The following COPG2 variants were observed in gnomAD, a reference collection of about 807,000 sequenced individuals.
The protein encoded by COPG2 is coatomer subunit gamma-2.
COPG2 carries 37 observed loss-of-function variants against 46.3 expected under a neutral mutation model. The ratio of observed to expected loss-of-function variants is 0.80; its 90% CI spans 0.61 to 1.05. COPG2 has a LOEUF of 1.05. COPG2 is among the 50% of genes least tolerant of loss of function. The pLI is 0.00. For synonymous variants in COPG2, 159 were observed against 129.7 expected, an observed-to-expected ratio of 1.23 and a Z score of -1.53; for missense variants, 427 against 387.8, an observed-to-expected ratio of 1.10 and a Z score of -0.85.
At chr7:130,653,957 C>T (rs1398044679) in intron 4 of COPG2, among the ~76,000 whole-genome samples, 1 of 151,270 alleles carries the variant, frequency 6.6e-6, no homozygotes, top group East Asian at 1.9e-4. Flanking sequence ...AACACCCCAC[C>T]CCAATTTAAA....
At chr7:130,642,209 A>G (rs782324468) in intron 5 of COPG2, among the ~76,000 whole-genome samples, 1 of 151,470 alleles carries the variant, frequency 6.6e-6, no homozygotes, top group Non-Finnish European at 1.5e-5. Context: ...CAGGTTGTCA[A>G]TATACATTTA....
chr7:130,506,892 C>T (rs1170691594), intron 23 of COPG2, 86 bp from the exon 24 acceptor site: 1 of 658,086 alleles, frequency 1.5e-6, no homozygotes, highest in Non-Finnish European at 2.7e-6. Context: ...CCTGCATCTC[C>T]TTTCTATTAG....
chr7:130,589,398 C>G (rs1211595177), intron 9 of COPG2, among the ~76,000 whole-genome samples: 2 of 151,926 alleles, frequency 1.3e-5, no homozygotes, highest in Non-Finnish European at 2.9e-5. Flanking sequence ...ATCCTCCCAC[C>G]TTAGCCTCCC....
intron 9 of COPG2, chr7:130,603,737 A>AAAAAAAAAAAAAAAC (rs1794678979): frequency 2.4e-6 from 1 of 414,712 alleles, no homozygotes; most frequent in African/African-American, 2.1e-5. Context: ...AAAAAAAAAA[A>AAAAAAAAAAAAAAAC]AAAAAAAAAT....
intron 9 of COPG2, among the ~76,000 whole-genome samples, chr7:130,566,638 G>T (rs1475228085): frequency 5.9e-5 from 9 of 152,186 alleles, no homozygotes; most frequent in African/African-American, 2.2e-4. Flanking sequence ...CTGCTTACAG[G>T]CTGGGGCAAT....
chr7:130,603,783 T>C (rs782214777), intron 9 of COPG2: 6 of 514,526 alleles, frequency 1.2e-5, no homozygotes, highest in Non-Finnish European at 2.3e-5. Context: ...TATAGGCATC[T>C]TGTACAGTTG....
chr7:130,625,208 T>A (rs1236057738), intron 5 of COPG2, among the ~76,000 whole-genome samples: 2 of 152,242 alleles, frequency 1.3e-5, no homozygotes, highest in African/African-American at 2.4e-5. Flanking sequence ...TGTCTGTATA[T>A]CTTCTTTTGA....
At chr7:130,608,382 C>G (rs1355018369) in intron 9 of COPG2, 2 of 234,296 alleles carry the variant, frequency 8.5e-6, no homozygotes, top group East Asian at 2.5e-4. Flanking sequence ...TTTACCTACA[C>G]ATTTACCCTT....
chr7:130,667,876 T>C (rs184268760), intron 1 of COPG2, among the ~76,000 whole-genome samples: 2 of 152,232 alleles, frequency 1.3e-5, no homozygotes, highest in Admixed American at 6.5e-5. Context: ...AGGTAAGCAG[T>C]ATTTTATGTG....
intron 20 of COPG2, chr7:130,509,433 C>G: frequency 2.5e-6 from 1 of 392,780 alleles, no homozygotes; most frequent in Non-Finnish European, 5.0e-6. Flanking sequence ...TGTCTATGGT[C>G]TGGAAAAAGC....
At chr7:130,659,858 G>A (rs1795940393) in intron 4 of COPG2, among the ~76,000 whole-genome samples, 1 of 152,158 alleles carries the variant, frequency 6.6e-6, no homozygotes, top group South Asian at 2.1e-4. Flanking sequence ...GCTGCAGTGA[G>A]CCAAGATCGC....
chr7:130,555,200 A>G (rs1010801814), intron 12 of COPG2, 68 bp from the exon 13 acceptor site: 27 of 395,360 alleles, frequency 6.8e-5, no homozygotes, highest in Non-Finnish European at 1.1e-4. Flanking sequence ...AAGCAAACAG[A>G]GAAAAGACAT....
intron 5 of COPG2, among the ~76,000 whole-genome samples, chr7:130,648,990 TGAGTTGCTGCTGACGTA>T (rs1415169062): frequency 6.6e-6 from 1 of 152,222 alleles, no homozygotes; most frequent in East Asian, 1.9e-4. Flanking sequence ...TCTCTAGCTC[TGAGTTGCTGCTGACGTA>T]GAATTCTCAA....
intron 9 of COPG2, among the ~76,000 whole-genome samples, chr7:130,570,254 A>G (rs1793873091): frequency 6.6e-6 from 1 of 152,110 alleles, no homozygotes; most frequent in Non-Finnish European, 1.5e-5. Flanking sequence ...GGTAAAGAGG[A>G]AGTTAAACTG....
intron 2 of COPG2, 39 bp from the exon 3 acceptor site, chr7:130,666,968 TTTTC>T: frequency 9.2e-7 from 1 of 1,085,284 alleles, no homozygotes; most frequent in Non-Finnish European, 1.4e-6. Flanking sequence ...CTTTTCTACC[TTTTC>T]TATCACAGAT....
intron 9 of COPG2, chr7:130,610,185 A>G: frequency 2.1e-6 from 1 of 466,350 alleles, no homozygotes; most frequent in South Asian, 1.6e-5. Flanking sequence ...ACTAATACTT[A>G]TCATTAGAAA....
At chr7:130,631,880 G>C (rs1795240764) in intron 5 of COPG2, among the ~76,000 whole-genome samples, 1 of 151,854 alleles carries the variant, frequency 6.6e-6, no homozygotes, top group South Asian at 2.1e-4. Context: ...TTTTCATCCT[G>C]GTGAAAAAAA....
intron 5 of COPG2, among the ~76,000 whole-genome samples, chr7:130,632,138 G>C (rs1243729335): frequency 2.6e-5 from 4 of 152,166 alleles, no homozygotes; most frequent in Admixed American, 2.0e-4. Context: ...ATTTACTGTA[G>C]AGCAGGTCTG....
intron 20 of COPG2, among the ~76,000 whole-genome samples, chr7:130,539,034 A>G (rs2116368352): frequency 6.6e-6 from 1 of 152,194 alleles, no homozygotes; most frequent in South Asian, 2.1e-4. Context: ...ATTTTTGGAA[A>G]CTTTTTCCAG....
Sources: gnomAD v4.1 joint callset for allele counts (sites outside exome capture counted in the v4.1 genomes callset) on GRCh38, gnomAD v4.1.1 for gene constraint, MANE v1.5 for transcripts, NCBI Gene and HGNC (gene_info 2026-07-23, HGNC 2026-07-21) for gene names.